Variants in CFAP54 observed in about 807,000 individuals in gnomAD.
The protein encoded by CFAP54 is cilia- and flagella-associated protein 54.
In CFAP54, 290 loss-of-function variants were observed where a neutral mutation model predicts 370.4. The ratio of observed to expected loss-of-function variants is 0.78; its 90% CI spans 0.71 to 0.86. CFAP54 has a LOEUF of 0.86. Among genes scored for constraint, CFAP54 ranks in the 40% least tolerant of loss-of-function variants. CFAP54 has a pLI of 0.00. For synonymous variants in CFAP54, 1,206 were observed against 1,236.5 expected (o/e 0.98, Z 0.52); for missense variants, 3,399 against 3,528.7 (o/e 0.96, Z 0.93).
chr12:96,811,748 T>A lies in CFAP54; in HGVS notation c.8863T>A (p.Tyr2955Asn). 1.3e-6 allele frequency: 2 copies of A among 1,491,912 alleles called. No homozygotes were observed. Among genetic ancestry groups the A allele is most frequent in the Non-Finnish European group, 1.8e-6 (2 of 1,120,696 alleles). The allele number at this position is 1,491,912 out of a possible 1,614,324, so 92.4% of individuals were successfully genotyped here. A position where few individuals can be genotyped will look rare whatever the true frequency, so the allele number is the denominator to read the frequency against. ...ATTTTTCTTATAGGTTTTATTGTTG[T>A]ATGCATATAATTTGAAGCCTCTGAA... is the stretch of plus-strand genomic sequence containing the variant. The part of the protein sequence containing the change: ...KETEPMVLLL[Y>N]AYNLKPLKIS... Residue 2955 changes from tyrosine (Y) to asparagine (N), a missense_variant, in exon 64 of 68, where the codon TAT (tyrosine) becomes AAT (asparagine). Coordinates refer to ENST00000524981, the MANE Select transcript of CFAP54 (RefSeq NM_001306084.2).
chr12:96,499,372 A>C (rs1954997117), intron 1 of CFAP54, among the ~76,000 whole-genome samples: 1 of 152,188 alleles, frequency 6.6e-6, no homozygotes, highest in Admixed American at 6.6e-5. Flanking sequence ...AATATGCTCC[A>C]CATCATATGT....
At chr12:96,565,922 C>T (rs1182590199) in intron 19 of CFAP54, among the ~76,000 whole-genome samples, 1 of 152,176 alleles carries the variant, frequency 6.6e-6, no homozygotes, top group Non-Finnish European at 1.5e-5. Flanking sequence ...ATAATTGAAT[C>T]ACGGGGGAGG....
chr12:96,772,743 C>T (rs1958476114), intron 60 of CFAP54, among the ~76,000 whole-genome samples: 1 of 152,096 alleles, frequency 6.6e-6, no homozygotes, highest in Non-Finnish European at 1.5e-5. Context: ...CCTCAGCCTT[C>T]TGAGTAGCTG....
At chr12:96,726,570 T>C (rs1957840825) in intron 50 of CFAP54, among the ~76,000 whole-genome samples, 1 of 152,184 alleles carries the variant, frequency 6.6e-6, no homozygotes, top group African/African-American at 2.4e-5. Context: ...CTCTCTTTTT[T>C]TCTTTATTAG....
Position 96,580,698 on chromosome 12 carries a change from A to C in CFAP54, c.2889+9A>C, listed in dbSNP as rs1475250743. On this transcript the variant is annotated intron_variant, in intron 21 of 67. Transcript: ENST00000524981. ...CAAATTCAGGAGAAGCGGTACGTCA[A>C]ATTAAACATCAGGAAATCTTACTGA... 40 of 1,454,566 alleles carry C rather than the reference A, an allele frequency of 2.7e-5. No individual in the cohort carries two copies. Among genetic ancestry groups the C allele is most frequent in the Non-Finnish European group, 3.6e-5 (39 of 1,082,628 alleles). The allele number at this position is 1,454,566 out of a possible 1,614,324, so 90.1% of individuals were successfully genotyped here.
chr12:96,825,276 T>TTATATTATATATAATATAA lies in CFAP54; in HGVS notation c.9097-3724_9097-3706dup, dbSNP rs1337496187. ...TATATATTATATATAATATAACATGTTATATTATATATAATATAATATATT... is the reference window on the plus strand; with the variant it reads ...TATATATTATATATAATATAACATGTTATATTATATATAATATAATATATTATATATAATATAATATATT... On this transcript the variant is annotated intron_variant, in intron 65 of 67. Coordinates refer to ENST00000524981, the MANE Select transcript of CFAP54 (RefSeq NM_001306084.2). 5.5e-3 allele frequency among the ~76,000 whole-genome samples: 712 copies of TTATATTATATATAATATAA among 129,540 alleles called. 6 individuals carry two copies. The highest frequency in any genetic ancestry group is 9.3e-3 in the Non-Finnish European group (597 of 63,976). 85.0% of individuals were successfully genotyped at this position (129,540 alleles called of 152,430 possible). A position where few individuals can be genotyped will look rare whatever the true frequency, so the allele number is the denominator to read the frequency against.
intron 26 of CFAP54, among the ~76,000 whole-genome samples, chr12:96,605,648 G>A (rs567149512): frequency 1.3e-5 from 2 of 152,248 alleles, no homozygotes; most frequent in East Asian, 3.9e-4. Context: ...ACCTATTTGT[G>A]TCAGGCACTG....
chr12:96,525,222 A>G (rs1317300786), intron 8 of CFAP54, among the ~76,000 whole-genome samples: 1 of 151,240 alleles, frequency 6.6e-6, no homozygotes, highest in Non-Finnish European at 1.5e-5. Context: ...TATTTCTTTG[A>G]GCCAACTTTT....
chr12:96,746,458 T>G (rs1168945651), intron 55 of CFAP54, among the ~76,000 whole-genome samples: 1 of 152,178 alleles, frequency 6.6e-6, no homozygotes, highest in Non-Finnish European at 1.5e-5. Flanking sequence ...AATTCCAATA[T>G]GTAGTTTTCA....
chr12:96,492,578 A>G (rs919182708), intron 1 of CFAP54, among the ~76,000 whole-genome samples: 2 of 152,150 alleles, frequency 1.3e-5, no homozygotes, highest in African/African-American at 4.8e-5. Context: ...TCTCATTAGG[A>G]TGTAAGCTCC....
In CFAP54 at chr12:96,491,005, C is replaced by G. The variant is rs914606084; in HGVS notation, c.317+1079C>G. On this transcript the variant is annotated intron_variant, in intron 1 of 67. Transcript: ENST00000524981. ...CTTTTTTTTTTGAGACAGGGTCTCA[C>G]TCTTGCACAGGCTGTTGTGCAGTGG... Among the ~76,000 whole-genome samples, 24 of 151,872 alleles carry G rather than the reference C, an allele frequency of 1.6e-4. 1 individual carries two copies. Among genetic ancestry groups the G allele is most frequent in the African/African-American group, 5.1e-4 (21 of 41,418 alleles).
At chr12:96,561,424 A>C (rs966314644) in intron 17 of CFAP54, among the ~76,000 whole-genome samples, 1 of 152,066 alleles carries the variant, frequency 6.6e-6, no homozygotes, top group Non-Finnish European at 1.5e-5. Context: ...CCCTTTTTCT[A>C]TATAAATTGC....
intron 25 of CFAP54, among the ~76,000 whole-genome samples, 153 bp from the exon 26 acceptor site, chr12:96,598,492 T>A (rs1267059427): frequency 6.6e-6 from 1 of 152,026 alleles, no homozygotes; most frequent in Non-Finnish European, 1.5e-5. Context: ...TATCTCAGTG[T>A]ACTCTCCTTT....
intron 25 of CFAP54, among the ~76,000 whole-genome samples, chr12:96,596,319 T>C (rs1285249107): frequency 6.6e-6 from 1 of 152,148 alleles, no homozygotes; most frequent in Non-Finnish European, 1.5e-5. Context: ...GAATGGATTA[T>C]AGCTATGGGA....
chr12:96,589,353 T>G, intron 22 of CFAP54, 74 bp from the exon 23 acceptor site: 1 of 1,200,512 alleles, frequency 8.3e-7, no homozygotes, highest in Non-Finnish European at 1.2e-6. Context: ...ATAGATTGTA[T>G]ATTTTAAGAA....
chr12:96,624,766 C>G (rs566680207), intron 28 of CFAP54, among the ~76,000 whole-genome samples: 209 of 152,218 alleles, frequency 1.4e-3, no homozygotes, highest in African/African-American at 4.9e-3. Context: ...TGCCTCTGTT[C>G]TATCTTGTGG....
intron 63 of CFAP54, among the ~76,000 whole-genome samples, chr12:96,799,272 A>G (rs1958797424): frequency 6.6e-6 from 1 of 152,224 alleles, no homozygotes; most frequent in Non-Finnish European, 1.5e-5. Flanking sequence ...ACATTCCACC[A>G]TAGAATTCCT....
intron 19 of CFAP54, among the ~76,000 whole-genome samples, chr12:96,568,139 T>C (rs915905466): frequency 6.6e-6 from 1 of 151,906 alleles, no homozygotes; most frequent in African/African-American, 2.4e-5. Context: ...AAATCAGTTC[T>C]ATTTGCTTTT....
rs139542492 is a variant in CFAP54 at position 96,521,144 on chromosome 12, T to C, written c.943-713T>C. Among the ~76,000 whole-genome samples the C allele has an allele frequency of 5.2e-4, 79 of 152,332 alleles. 1 individual carries two copies. The East Asian group carries it at 0.014, about 26-fold the overall frequency. On this transcript the variant is annotated intron_variant, in intron 6 of 67. Coordinates refer to ENST00000524981, the MANE Select transcript of CFAP54 (RefSeq NM_001306084.2). Reference sequence around the variant, plus strand: ...ATTGGAAAATGTAACCCTTCATATATGTTAATATTTTGGTTGATCTAGAAG... The same window carrying C: ...ATTGGAAAATGTAACCCTTCATATACGTTAATATTTTGGTTGATCTAGAAG...
Sources: gnomAD v4.1 joint callset for allele counts (sites outside exome capture counted in the v4.1 genomes callset) on GRCh38, gnomAD v4.1.1 for gene constraint, MANE v1.5 for transcripts, NCBI Gene and HGNC (gene_info 2026-07-23, HGNC 2026-07-21) for gene names.